Variants in RGS3 observed in about 807,000 individuals in gnomAD.
RGS3 encodes regulator of G protein signaling 3.
A neutral mutation model predicts 132.6 loss-of-function variants in RGS3; 80 were observed. The observed-to-expected ratio is 0.60, with a 90% confidence interval of 0.50 to 0.73. RGS3 has a LOEUF of 0.73. RGS3 is among the 30% of genes least tolerant of loss of function. The pLI is 0.00. For synonymous variants in RGS3, 598 were observed against 620.6 expected (o/e 0.96, Z 0.54); for missense variants, 1,382 against 1,530.8 (o/e 0.90, Z 1.62).
intron 19 of RGS3, among the ~76,000 whole-genome samples, chr9:113,576,477 G>A (rs1430300143): frequency 2.0e-5 from 3 of 151,564 alleles, no homozygotes; most frequent in Admixed American, 6.6e-5. Context: ...GATTACAGGC[G>A]CCCACCACCA....
chr9:113,461,958 A>G, intron 2 of RGS3: 1 of 1,596,786 alleles, frequency 6.3e-7, no homozygotes, highest in Non-Finnish European at 8.5e-7. Context: ...CTGGGAGTGA[A>G]CACACCTTGC....
At chr9:113,587,256 C>A (rs1835165144) in intron 20 of RGS3, among the ~76,000 whole-genome samples, 1 of 152,136 alleles carries the variant, frequency 6.6e-6, no homozygotes, top group Admixed American at 6.5e-5. Context: ...GGCAGAGGGA[C>A]AGTGGCAGGT....
chr9:113,466,099 G>C (rs959942280), intron 3 of RGS3, among the ~76,000 whole-genome samples: 1 of 152,190 alleles, frequency 6.6e-6, no homozygotes, highest in African/African-American at 2.4e-5. Context: ...AATAGGTCTG[G>C]GGTGGAGCCT....
chr9:113,565,195 C>T lies in RGS3; in HGVS notation c.2038-18255C>T, dbSNP rs183570022. The T allele has an allele frequency of 1.5e-5, 19 of 1,241,530 alleles. No individual in the cohort carries two copies. In the African/African-American group the frequency reaches 2.0e-4, roughly 13 times the overall value. The allele number at this position is 1,241,530 out of a possible 1,614,324, so 76.9% of individuals were successfully genotyped here. ...GCATGTAACCCGGGAGCCAGCTGGG[C>T]CCCTCGCGGGGTGGGCAGAAGGACG... On this transcript the variant is annotated intron_variant, in intron 19 of 24. Transcript: ENST00000350696. This position sits in a 1 kb window ranked among gnomAD's most constrained non-coding sequence, Gnocchi z 5.7.
intron 19 of RGS3, among the ~76,000 whole-genome samples, chr9:113,538,883 C>G (rs76851116): frequency 0.012 from 1,884 of 152,298 alleles, 65 homozygotes; most frequent in East Asian, 0.12. Context: ...TGGCATACCC[C>G]ACTTGGGCCA....
intron 16 of RGS3, among the ~76,000 whole-genome samples, chr9:113,519,412 T>C (rs1831828385): frequency 6.6e-6 from 1 of 151,934 alleles, no homozygotes. Flanking sequence ...AGGAAACAAT[T>C]TGAAGACAAG....
chr9:113,576,712 G>A (rs928517216), intron 19 of RGS3, among the ~76,000 whole-genome samples: 2 of 152,200 alleles, frequency 1.3e-5, no homozygotes, highest in African/African-American at 4.8e-5. Context: ...CAGAGCCCAG[G>A]GTCTTCCAGG....
chr9:113,464,448 T>C (rs1232074077), intron 3 of RGS3, among the ~76,000 whole-genome samples: 1 of 152,156 alleles, frequency 6.6e-6, no homozygotes, highest in Non-Finnish European at 1.5e-5. Context: ...AAGTGAACAG[T>C]AGGCTTCACT....
chr9:113,465,633 C>T (rs1289947507), intron 3 of RGS3, among the ~76,000 whole-genome samples: 4 of 152,160 alleles, frequency 2.6e-5, no homozygotes, highest in Non-Finnish European at 4.4e-5. Flanking sequence ...CCTGCCAGAT[C>T]TGGGAAGCTG....
At chr9:113,451,617 T>G (rs142298049) in intron 1 of RGS3, among the ~76,000 whole-genome samples, 2 of 152,274 alleles carry the variant, frequency 1.3e-5, no homozygotes, top group Admixed American at 6.5e-5. Context: ...TGAGTTTGCT[T>G]CTTGCAATTA....
At chr9:113,505,898 C>G (rs1831108539) in intron 11 of RGS3, among the ~76,000 whole-genome samples, 1 of 152,162 alleles carries the variant, frequency 6.6e-6, no homozygotes. Context: ...GCCATCCTTC[C>G]CTACTTTTCA....
chr9:113,498,523 C>G (rs1281107488), intron 10 of RGS3, among the ~76,000 whole-genome samples: 2 of 152,142 alleles, frequency 1.3e-5, no homozygotes, highest in African/African-American at 4.8e-5. Context: ...TGGAAAGGAG[C>G]CTTTTTCATA....
intron 5 of RGS3, 45 bp from the exon 4 acceptor site, chr9:113,484,093 G>T: frequency 8.5e-7 from 1 of 1,179,058 alleles, no homozygotes. Context: ...GGGCTTAGGT[G>T]GGCCATGAGA....
intron 19 of RGS3, among the ~76,000 whole-genome samples, chr9:113,561,533 C>G (rs1266033952): frequency 1.3e-5 from 2 of 151,796 alleles, no homozygotes; most frequent in Non-Finnish European, 2.9e-5. Flanking sequence ...CCACTTCAGC[C>G]TCTTGAGTAG....
At chr9:113,501,170 G>A (rs945758621) in intron 10 of RGS3, among the ~76,000 whole-genome samples, 4 of 152,172 alleles carry the variant, frequency 2.6e-5, no homozygotes, top group African/African-American at 9.7e-5. Flanking sequence ...GCAGGGGGAG[G>A]AGGTGTTGTT....
chr9:113,586,607 C>A (rs1259666981), intron 20 of RGS3, among the ~76,000 whole-genome samples: 1 of 152,218 alleles, frequency 6.6e-6, no homozygotes, highest in African/African-American at 2.4e-5. Flanking sequence ...TGCCCCCAGC[C>A]TGGTGGTGGC....
intron 19 of RGS3, 60 bp from the exon 18 acceptor site, chr9:113,583,390 G>T: frequency 1.9e-6 from 3 of 1,577,732 alleles, no homozygotes; most frequent in Non-Finnish European, 2.6e-6. Context: ...CTCATGCATG[G>T]TGTCTGGCAT....
In RGS3 at chr9:113,529,469, A is replaced by G. The variant is rs555910184; in HGVS notation, c.1914+205A>G. ...CCCCTGCCTCTCTCACCTCTGTGTT[A>G]AAGAGCAGTGGACAGGAAAGTGCTT... On this transcript the variant is annotated intron_variant, in intron 18 of 24. Transcript: ENST00000350696. Among the ~76,000 whole-genome samples, 8 of 152,312 alleles carry G rather than the reference A, an allele frequency of 5.3e-5. No individual in the cohort carries two copies. The South Asian group carries it at 1.2e-3, about 24-fold the overall frequency.
intron 23 of RGS3, among the ~76,000 whole-genome samples, chr9:113,595,298 G>T (rs1835707105): frequency 6.6e-6 from 1 of 152,192 alleles, no homozygotes; most frequent in Non-Finnish European, 1.5e-5. Context: ...CGCCAAATGT[G>T]CCTGCCATCT....
Sources: allele counts gnomAD v4.1 joint callset (sites outside exome capture counted in the v4.1 genomes callset), GRCh38; gene constraint gnomAD v4.1.1; non-coding constraint Gnocchi (gnomAD v3.1); transcripts MANE v1.5; gene names NCBI Gene and HGNC (gene_info 2026-07-23, HGNC 2026-07-21).